Variants in CCDC134 observed in about 807,000 individuals in gnomAD.
The protein encoded by CCDC134 is coiled-coil domain-containing protein 134.
Under a neutral mutation model 25.6 loss-of-function variants are expected in CCDC134, and 27 were observed. The observed-to-expected ratio is 1.05, with a 90% CI of 0.78 to 1.45. The LOEUF is 1.45. Ranked by LOEUF, CCDC134 falls within the 40% of genes most tolerant of loss-of-function variation. The pLI, the probability that CCDC134 is intolerant of heterozygous loss-of-function variation, is 0.00. For missense variants in CCDC134, 261 were observed against 286.7 expected, an observed-to-expected ratio of 0.91 and a Z score of 0.65; for synonymous variants, 110 against 115.0, an observed-to-expected ratio of 0.96 and a Z score of 0.28.
chr22:41,810,314 C>T, intron 4 of CCDC134, 23 bp downstream of exon 4: 1 of 1,593,840 alleles, frequency 6.3e-7, no homozygotes, highest in Non-Finnish European at 8.6e-7. Context: ...CTGCCCCGCC[C>T]TGTCCTCCGC....
chr22:41,812,605 C>T (rs1602238839), intron 4 of CCDC134, among the ~76,000 whole-genome samples: 1 of 151,984 alleles, frequency 6.6e-6, no homozygotes, highest in African/African-American at 2.4e-5. Context: ...TGAGATCAGC[C>T]TGGGCAACAA....
rs538161700 is a variant in CCDC134 at position 41,826,450 on chromosome 22, T to C, written c.*627T>C. Among the ~76,000 whole-genome samples, 2 of 152,238 alleles carry C rather than the reference T, an allele frequency of 1.3e-5. No individual in the cohort carries two copies. The highest frequency in any genetic ancestry group is 2.9e-5 in the Non-Finnish European group (2 of 68,038). On this transcript the variant is annotated 3_prime_UTR_variant, in exon 7 of 7. Coordinates refer to ENST00000255784, the MANE Select transcript of CCDC134 (RefSeq NM_024821.5). ...GCTTGGGCCTCCTGGTCCTACGCCA[T>C]CACTGCCCTTGACAAATGATTGGTG... is the stretch of plus-strand genomic sequence containing the variant.
intron 1 of CCDC134, among the ~76,000 whole-genome samples, chr22:41,808,046 GCT>G (rs907334879): frequency 6.6e-6 from 1 of 151,948 alleles, no homozygotes; most frequent in African/African-American, 2.4e-5. Flanking sequence ...TGTAATCCCA[GCT>G]ACTCAGGAGG....
Position 41,827,623 on chromosome 22 carries a change from C to T in CCDC134, c.*1800C>T, listed in dbSNP as rs2076685875. Among the ~76,000 whole-genome samples, 1 of 152,148 alleles carries T rather than the reference C, an allele frequency of 6.6e-6. No individual in the cohort carries two copies. The highest frequency in any genetic ancestry group is 2.4e-5 in the African/African-American group (1 of 41,414). ...GATTCCATTGGTTACTTGAGGTACA[C>T]CCTATGTAAATGGAAAGGATGAAGT... is the stretch of plus-strand genomic sequence containing the variant. On this transcript the variant is annotated 3_prime_UTR_variant, in exon 7 of 7. Transcript: ENST00000255784.
chr22:41,816,895 C>T (rs986371371), intron 6 of CCDC134, among the ~76,000 whole-genome samples: 3 of 151,954 alleles, frequency 2.0e-5, no homozygotes, highest in East Asian at 1.9e-4. Flanking sequence ...TCCAGCCTGG[C>T]GACTGAGTGA....
At chr22:41,811,504 C>T (rs2076596259) in intron 4 of CCDC134, among the ~76,000 whole-genome samples, 1 of 152,198 alleles carries the variant, frequency 6.6e-6, no homozygotes, top group African/African-American at 2.4e-5. Context: ...TCTCAGTTCA[C>T]TGCAACCTCT....
chr22:41,809,799 G>A (rs1035296673), intron 2 of CCDC134, 80 bp from the exon 3 acceptor site: 2 of 1,580,352 alleles, frequency 1.3e-6, no homozygotes, highest in East Asian at 4.5e-5. Context: ...TGCTGGTCAG[G>A]AATGAGCCTT....
chr22:41,812,099 G>C (rs1286614627), intron 4 of CCDC134, among the ~76,000 whole-genome samples: 1 of 152,030 alleles, frequency 6.6e-6, no homozygotes, highest in African/African-American at 2.4e-5. Flanking sequence ...TAATTTCCTG[G>C]TTTAGATAGT....
rs905568153 is a variant in CCDC134, at chr22:41,828,478, C to T, written c.*2655C>T. Among the ~76,000 whole-genome samples the T allele has an allele frequency of 6.6e-6, 1 of 152,190 alleles. No individual in the cohort carries two copies. Among genetic ancestry groups the T allele is most frequent in the Non-Finnish European group, 1.5e-5 (1 of 68,042 alleles). Reference sequence around the variant, plus strand: ...GCACCTCCTTCCTCCTGGGCTCTTTCCTCTAATACCGTCATCCTCTCTCCA... The same window carrying T: ...GCACCTCCTTCCTCCTGGGCTCTTTTCTCTAATACCGTCATCCTCTCTCCA... On this transcript the variant is annotated 3_prime_UTR_variant, in exon 7 of 7. Coordinates refer to ENST00000255784, the MANE Select transcript of CCDC134 (RefSeq NM_024821.5).
intron 6 of CCDC134, among the ~76,000 whole-genome samples, chr22:41,816,188 C>T (rs940958094): frequency 6.6e-6 from 1 of 152,314 alleles, no homozygotes; most frequent in South Asian, 2.1e-4. Context: ...ATTCCATGAC[C>T]CATTCTCTCC....
chr22:41,825,103 T>C lies in CCDC134; in HGVS notation c.565-595T>C, dbSNP rs2076670234. Among the ~76,000 whole-genome samples, 2 of 151,586 alleles carry C rather than the reference T, an allele frequency of 1.3e-5. No individual in the cohort carries two copies. The highest frequency in any genetic ancestry group is 1.3e-4 in the Admixed American group (2 of 15,220). On this transcript the variant is annotated intron_variant, in intron 6 of 6. Transcript: ENST00000255784. This position sits in a 1 kb window ranked among gnomAD's most constrained non-coding sequence, Gnocchi z 4.4. ...TGCATTTGGGACATCCTAAAGGAGG[T>C]CTCAGACAGGCATTTGGAAATGGAG...
chr22:41,806,330 T>C (rs763141234), intron 1 of CCDC134, among the ~76,000 whole-genome samples: 4 of 151,304 alleles, frequency 2.6e-5, no homozygotes, highest in African/African-American at 4.9e-5. Context: ...GCGATTCTCC[T>C]GCCTCAGCCT....
At chr22:41,805,323 T>A (rs1252348488) in intron 1 of CCDC134, among the ~76,000 whole-genome samples, 2 of 152,016 alleles carry the variant, frequency 1.3e-5, no homozygotes, top group Non-Finnish European at 2.9e-5. Flanking sequence ...TCCCAGGCCC[T>A]TGGGAGACTG....
Position 41,825,391 on chromosome 22 carries a change from A to C in CCDC134, c.565-307A>C, listed in dbSNP as rs2076671839. ...TCCCGGGTCTGTGGTGGTCTCAGCC[A>C]CTCTACTCCCTCACCCTGGAGGAGT... On this transcript the variant is annotated intron_variant, in intron 6 of 6. Coordinates refer to ENST00000255784, the MANE Select transcript of CCDC134 (RefSeq NM_024821.5). This position sits in a 1 kb window ranked among gnomAD's most constrained non-coding sequence, Gnocchi z 4.4. Among the ~76,000 whole-genome samples the C allele has an allele frequency of 6.6e-6, 1 of 151,692 alleles. No individual in the cohort carries two copies. Among genetic ancestry groups the C allele is most frequent in the Non-Finnish European group, 1.5e-5 (1 of 67,940 alleles).
intron 6 of CCDC134, among the ~76,000 whole-genome samples, chr22:41,815,207 T>TC (rs1376291161): frequency 2.1e-5 from 3 of 145,512 alleles, no homozygotes; most frequent in African/African-American, 7.7e-5. Flanking sequence ...TTCTTTTCTT[T>TC]TTTTTTTTTT....
chr22:41,821,059 A>T (rs952446775), intron 6 of CCDC134, among the ~76,000 whole-genome samples: 5 of 152,292 alleles, frequency 3.3e-5, no homozygotes, highest in Admixed American at 6.5e-5. Context: ...TGGCCGACCC[A>T]AGAGTTTCCC....
rs2076676111 is a variant in CCDC134 at position 41,825,965 on chromosome 22, TCTGAGCCCCAGCTGAAGGGA to T, written c.*150_*169del. Reference sequence around the variant, plus strand: ...ATTTGCCCGGCCCCCTGGAGCTGGGTCTGAGCCCCAGCTGAAGGGACTGAGCCTCAGATGGCTGGATTTTC... The same window carrying T: ...ATTTGCCCGGCCCCCTGGAGCTGGGTCTGAGCCTCAGATGGCTGGATTTTC... On this transcript the variant is annotated 3_prime_UTR_variant, in exon 7 of 7. Coordinates refer to ENST00000255784, the MANE Select transcript of CCDC134 (RefSeq NM_024821.5). This position sits in a 1 kb window ranked among gnomAD's most constrained non-coding sequence, Gnocchi z 4.4. 1.7e-6 allele frequency: 2 copies of T among 1,193,942 alleles called. No individual in the cohort carries two copies. Among genetic ancestry groups the T allele is most frequent in the Non-Finnish European group, 2.4e-6 (2 of 845,812 alleles). The allele number at this position is 1,193,942 out of a possible 1,614,324, so 74.0% of individuals were successfully genotyped here.
At chr22:41,809,845 A>G (rs1292690671) in intron 2 of CCDC134, 34 bp from the exon 3 acceptor site, 2 of 1,613,600 alleles carry the variant, frequency 1.2e-6, no homozygotes, top group Admixed American at 1.7e-5. Context: ...AGGCAGGGCT[A>G]TTGATGCCAG....
At chr22:41,810,608 G>C (rs1297553094) in intron 4 of CCDC134, among the ~76,000 whole-genome samples, 1 of 143,264 alleles carries the variant, frequency 7.0e-6, no homozygotes, top group Non-Finnish European at 1.5e-5. Flanking sequence ...TGATTCTCCT[G>C]CCTCAGCCTC....
Sources: allele counts gnomAD v4.1 joint callset (sites outside exome capture counted in the v4.1 genomes callset), GRCh38; gene constraint gnomAD v4.1.1; non-coding constraint Gnocchi (gnomAD v3.1); transcripts MANE v1.5; gene names NCBI Gene and HGNC (gene_info 2026-07-23, HGNC 2026-07-21).